The following NELL1 variants were observed in gnomAD, a reference collection of about 807,000 sequenced individuals.
NELL1 encodes the protein protein kinase C-binding protein NELL1.
NELL1 carries 76 observed loss-of-function variants against 107.4 expected under a neutral mutation model. The ratio of observed to expected loss-of-function variants is 0.71; its 90% CI spans 0.59 to 0.86. The LOEUF (loss-of-function observed/expected upper bound fraction) is 0.86. Among genes scored for constraint, NELL1 ranks in the 40% least tolerant of loss-of-function variants. The probability of loss-of-function intolerance (pLI) is 0.00; values close to 1 mark genes in which losing one functional copy is unlikely to be tolerated. For missense variants in NELL1, 1,024 were observed against 1,005.5 expected (o/e 1.02, Z -0.25); for synonymous variants, 353 against 341.2 (o/e 1.03, Z -0.38).
At chr11:21,333,456 G>A (rs945002838) in intron 14 of NELL1, among the ~76,000 whole-genome samples, 2 of 152,066 alleles carry the variant, frequency 1.3e-5, no homozygotes, top group African/African-American at 4.8e-5. Context: ...AGTTTGAGTA[G>A]ACAAGGATGA....
At chr11:21,096,414 A>C (rs1854644873) in intron 12 of NELL1, among the ~76,000 whole-genome samples, 1 of 152,190 alleles carries the variant, frequency 6.6e-6, no homozygotes, top group African/African-American at 2.4e-5. Context: ...ATTTTCTCCC[A>C]GAAGCAGCAT....
intron 2 of NELL1, among the ~76,000 whole-genome samples, chr11:20,776,875 C>T (rs552888927): frequency 1.3e-5 from 2 of 152,212 alleles, no homozygotes; most frequent in Non-Finnish European, 2.9e-5. Flanking sequence ...TGTCTCCACT[C>T]GTCATGTGAC....
intron 14 of NELL1, among the ~76,000 whole-genome samples, chr11:21,297,561 G>A (rs908720036): frequency 3.9e-5 from 6 of 152,106 alleles, no homozygotes; most frequent in Middle Eastern, 3.4e-3. Context: ...AGCAAGATCT[G>A]TGTATACTCA....
intron 12 of NELL1, among the ~76,000 whole-genome samples, chr11:21,058,335 A>C (rs1853659323): frequency 6.6e-6 from 1 of 152,170 alleles, no homozygotes; most frequent in Non-Finnish European, 1.5e-5. Flanking sequence ...TGAGTCTGAC[A>C]GTCATCTTTT....
intron 3 of NELL1, among the ~76,000 whole-genome samples, chr11:20,840,412 A>T (rs76412205): frequency 0.02 from 3,096 of 152,352 alleles, 100 homozygotes; most frequent in African/African-American, 0.071. Flanking sequence ...AGCCCAGAAA[A>T]GATGGCTTAT....
At chr11:21,410,970 A>G (rs542300009) in intron 15 of NELL1, among the ~76,000 whole-genome samples, 10 of 152,194 alleles carry the variant, frequency 6.6e-5, no homozygotes, top group African/African-American at 1.4e-4. Flanking sequence ...TGAAGAGAAT[A>G]TAGCCTGGCC....
chr11:20,812,033 T>G (rs558682881), intron 3 of NELL1, among the ~76,000 whole-genome samples: 1 of 152,326 alleles, frequency 6.6e-6, no homozygotes, highest in South Asian at 2.1e-4. Flanking sequence ...GAGAGAAAGC[T>G]TTCTGCTTTT....
Position 21,114,540 on chromosome 11 carries a change from C to T in NELL1, c.1426+826C>T, listed in dbSNP as rs12363261. ...GGATTCTTTACTCAGAATATAATAC[C>T]GCTATTTTTAATGTACTTTTTTTTT... On this transcript the variant is annotated intron_variant, in intron 13 of 19. Transcript: ENST00000357134. 8.8e-3 allele frequency among the ~76,000 whole-genome samples: 1,335 copies of T among 151,952 alleles called. 11 individuals are homozygous for T. The highest frequency in any genetic ancestry group is 0.014 in the Non-Finnish European group (960 of 67,894).
chr11:21,042,908 AT>A (rs565617216), intron 12 of NELL1, among the ~76,000 whole-genome samples: 33 of 151,204 alleles, frequency 2.2e-4, no homozygotes, highest in African/African-American at 6.8e-4. Flanking sequence ...TGAAATGCCT[AT>A]TTTTTTTTAT....
chr11:20,854,297 G>A (rs1304503462), intron 4 of NELL1, among the ~76,000 whole-genome samples: 2 of 152,184 alleles, frequency 1.3e-5, no homozygotes, highest in Non-Finnish European at 2.9e-5. Context: ...AGTATAAAAT[G>A]TGGGGCTAGG....
chr11:20,693,246 C>G (rs1244708630), intron 2 of NELL1, among the ~76,000 whole-genome samples: 4 of 152,074 alleles, frequency 2.6e-5, no homozygotes, highest in Admixed American at 2.6e-4. Flanking sequence ...ATCCAACTTG[C>G]CAGTCTGTGT....
intron 2 of NELL1, among the ~76,000 whole-genome samples, chr11:20,777,293 TGCAGG>T (rs1424085469): frequency 6.6e-6 from 1 of 152,266 alleles, no homozygotes; most frequent in African/African-American, 2.4e-5. Flanking sequence ...CGATGACATG[TGCAGG>T]GCATTAGCCC....
At chr11:21,543,037 G>T (rs1856332488) in intron 16 of NELL1, among the ~76,000 whole-genome samples, 1 of 151,970 alleles carries the variant, frequency 6.6e-6, no homozygotes, top group South Asian at 2.1e-4. Context: ...TGTCAGGGTG[G>T]AAAAGCACCT....
intron 2 of NELL1, among the ~76,000 whole-genome samples, chr11:20,720,202 G>GTTTTTTTTTTTTTTT (rs72275946): frequency 1.4e-5 from 2 of 141,058 alleles, no homozygotes; most frequent in Non-Finnish European, 1.5e-5. Context: ...GTTCATTCCT[G>GTTTTTTTTTTTTTTT]TTTTTTTTTT....
chr11:20,806,735 T>G (rs988998595), intron 3 of NELL1, among the ~76,000 whole-genome samples: 3 of 152,160 alleles, frequency 2.0e-5, no homozygotes, highest in Non-Finnish European at 2.9e-5. Flanking sequence ...TTTTATTTAT[T>G]TATTTATTTA....
intron 2 of NELL1, among the ~76,000 whole-genome samples, chr11:20,715,434 C>T (rs535995807): frequency 6.6e-5 from 10 of 152,036 alleles, no homozygotes; most frequent in South Asian, 4.2e-4. Flanking sequence ...CAGGAGGTTC[C>T]GGTAACTCAT....
intron 14 of NELL1, among the ~76,000 whole-genome samples, chr11:21,294,416 A>G (rs577420684): frequency 6.6e-6 from 1 of 152,258 alleles, no homozygotes; most frequent in African/African-American, 2.4e-5. Context: ...CCTTGAGAGT[A>G]GGAAACATAT....
intron 3 of NELL1, among the ~76,000 whole-genome samples, chr11:20,788,926 G>T (rs1857022071): frequency 6.6e-6 from 1 of 152,096 alleles, no homozygotes; most frequent in South Asian, 2.1e-4. Context: ...ATCATGTGAG[G>T]TAGGGGTCCA....
chr11:21,029,505 C>A (rs1293704713), intron 12 of NELL1, among the ~76,000 whole-genome samples: 1 of 152,122 alleles, frequency 6.6e-6, no homozygotes, highest in Non-Finnish European at 1.5e-5. Context: ...ACCACCGTCA[C>A]CATCACTGTG....
Sources: gnomAD v4.1 joint callset for allele counts (sites outside exome capture counted in the v4.1 genomes callset) on GRCh38, gnomAD v4.1.1 for gene constraint, MANE v1.5 for transcripts, NCBI Gene and HGNC (gene_info 2026-07-23, HGNC 2026-07-21) for gene names.